The following LAMA2 variants were observed in gnomAD, a reference collection of about 807,000 sequenced individuals.
The protein encoded by LAMA2 is laminin subunit alpha 2.
In LAMA2, 269 loss-of-function variants were observed where a neutral mutation model predicts 364.8. The observed-to-expected ratio is 0.74, with a 90% CI of 0.67 to 0.82. The LOEUF is 0.82. LAMA2 is among the 40% of genes least tolerant of loss of function. The probability of loss-of-function intolerance (pLI) is 0.00; values close to 1 mark genes in which losing one functional copy is unlikely to be tolerated. For missense variants in LAMA2, 3,807 were observed against 3,873.2 expected (o/e 0.98, Z 0.45); for synonymous variants, 1,379 against 1,370.6 (o/e 1.01, Z -0.14).
chr6:129,313,957 A>T (rs1208337466), intron 23 of LAMA2, among the ~76,000 whole-genome samples: 3 of 152,198 alleles, frequency 2.0e-5, no homozygotes, highest in African/African-American at 7.2e-5. Flanking sequence ...TAATTATATA[A>T]ATTGATATTT....
chr6:129,477,911 A>C (rs896427744), intron 53 of LAMA2, among the ~76,000 whole-genome samples: 3 of 152,072 alleles, frequency 2.0e-5, no homozygotes, highest in Non-Finnish European at 4.4e-5. Context: ...AGCATCTCCA[A>C]GTAACTGGGA....
intron 3 of LAMA2, among the ~76,000 whole-genome samples, chr6:129,091,306 T>C (rs1774811024): frequency 6.6e-6 from 1 of 152,204 alleles, no homozygotes; most frequent in Admixed American, 6.5e-5. Flanking sequence ...AAATGTTCTC[T>C]TCAAAGTATT....
chr6:129,126,820 C>T (rs1367610338), intron 4 of LAMA2, among the ~76,000 whole-genome samples: 2 of 152,100 alleles, frequency 1.3e-5, no homozygotes, highest in African/African-American at 2.4e-5. Flanking sequence ...TTGCTCACAC[C>T]AGCATTTTGG....
At chr6:129,466,326 T>C (rs1198316034) in intron 51 of LAMA2, among the ~76,000 whole-genome samples, 1 of 151,866 alleles carries the variant, frequency 6.6e-6, no homozygotes, top group Non-Finnish European at 1.5e-5. Flanking sequence ...GAGAGGTCAG[T>C]TTCCACTGGA....
intron 39 of LAMA2, among the ~76,000 whole-genome samples, chr6:129,403,415 C>T (rs919859854): frequency 6.6e-6 from 1 of 152,214 alleles, no homozygotes; most frequent in Middle Eastern, 3.4e-3. Flanking sequence ...TTCTGAAATT[C>T]ACTTGGTCTC....
intron 56 of LAMA2, among the ~76,000 whole-genome samples, chr6:129,488,309 C>G (rs570022776): frequency 6.6e-6 from 1 of 151,878 alleles, no homozygotes; most frequent in African/African-American, 2.4e-5. Context: ...GACTCCAACT[C>G]GGAAAAAACA....
intron 12 of LAMA2, among the ~76,000 whole-genome samples, chr6:129,205,046 T>C (rs1416591700): frequency 1.3e-5 from 2 of 151,826 alleles, no homozygotes; most frequent in African/African-American, 2.4e-5. Context: ...GGAACAAAGG[T>C]CCTCCTAAAT....
intron 1 of LAMA2, among the ~76,000 whole-genome samples, chr6:128,991,082 C>T (rs1480813541): frequency 5.3e-5 from 8 of 151,858 alleles, no homozygotes; most frequent in African/African-American, 1.7e-4. Context: ...GATTTTGATT[C>T]GAAAAGTAAG....
Position 129,142,432 on chromosome 6 carries a change from T to A in LAMA2, c.640-1469T>A, listed in dbSNP as rs146624076. On this transcript the variant is annotated intron_variant, in intron 4 of 64. Transcript: ENST00000421865. ...CTTTTTATTAGGTCACTAATCTCAT[T>A]CAGGAGGGCTCCACCCTCAGGATCT... Among the ~76,000 whole-genome samples the A allele has an allele frequency of 1.1e-4, 16 of 151,814 alleles. No homozygotes were observed. The East Asian group carries it at 3.1e-3, about 29-fold the overall frequency.
intron 1 of LAMA2, among the ~76,000 whole-genome samples, chr6:128,917,776 C>T (rs1228325920): frequency 3.2e-5 from 4 of 125,628 alleles, no homozygotes; most frequent in Non-Finnish European, 4.7e-5. Context: ...CTCCGTTGCC[C>T]AGGCTGAAGT....
intron 49 of LAMA2, among the ~76,000 whole-genome samples, chr6:129,461,112 T>G (rs186625976): frequency 2.8e-4 from 42 of 152,164 alleles, no homozygotes; most frequent in Admixed American, 2.4e-3. Context: ...CACCCAAGCC[T>G]AAAGCAATTT....
At chr6:128,943,217 A>T (rs1425960500) in intron 1 of LAMA2, among the ~76,000 whole-genome samples, 1 of 152,136 alleles carries the variant, frequency 6.6e-6, no homozygotes, top group Non-Finnish European at 1.5e-5. Flanking sequence ...GTTTGTATAT[A>T]TACATACACG....
At chr6:129,281,341 T>A (rs1281839770) in intron 18 of LAMA2, among the ~76,000 whole-genome samples, 1 of 152,128 alleles carries the variant, frequency 6.6e-6, no homozygotes, top group African/African-American at 2.4e-5. Context: ...CAGGCAACCT[T>A]TTTTTAGCAA....
At chr6:129,280,817 C>A (rs1032234285) in intron 18 of LAMA2, among the ~76,000 whole-genome samples, 1 of 152,102 alleles carries the variant, frequency 6.6e-6, no homozygotes, top group African/African-American at 2.4e-5. Flanking sequence ...GACATCATTG[C>A]CAAAAACAAA....
At chr6:129,391,397 T>G in intron 35 of LAMA2, 94 bp from the exon 36 acceptor site, 1 of 1,047,316 alleles carries the variant, frequency 9.5e-7, no homozygotes, top group South Asian at 1.3e-5. Context: ...ATACTCTTCA[T>G]TTGGAGATGG....
chr6:129,511,962 A>G (rs1333708335), intron 62 of LAMA2, among the ~76,000 whole-genome samples: 2 of 152,296 alleles, frequency 1.3e-5, no homozygotes, highest in South Asian at 2.1e-4. Context: ...TTTACCCAAC[A>G]GAGAGACTTC....
At chr6:129,294,988 C>G (rs1182188546) in intron 20 of LAMA2, among the ~76,000 whole-genome samples, 1 of 152,198 alleles carries the variant, frequency 6.6e-6, no homozygotes, top group Non-Finnish European at 1.5e-5. Context: ...AACGTTCATT[C>G]AAGCCCTACA....
intron 12 of LAMA2, among the ~76,000 whole-genome samples, chr6:129,205,787 G>C (rs150671411): frequency 4.9e-4 from 74 of 152,208 alleles, no homozygotes; most frequent in African/African-American, 1.5e-3. Context: ...CACTTTTGGT[G>C]GTTGAGACAG....
intron 29 of LAMA2, among the ~76,000 whole-genome samples, chr6:129,332,883 ATTTT>A (rs10590805): frequency 0.4 from 41,497 of 103,638 alleles, 9,839 homozygotes; most frequent in Admixed American, 0.48. Flanking sequence ...TAAGTTTACC[ATTTT>A]TTTTTTTTTT....
Sources: allele counts gnomAD v4.1 joint callset (sites outside exome capture counted in the v4.1 genomes callset), GRCh38; gene constraint gnomAD v4.1.1; transcripts MANE v1.5; gene names NCBI Gene and HGNC (gene_info 2026-07-23, HGNC 2026-07-21).